Variants in COMMD7 observed in about 807,000 individuals in gnomAD.
COMMD7 encodes COMM domain-containing protein 7.
COMMD7 carries 28 observed loss-of-function variants against 34.8 expected under a neutral mutation model. The ratio of observed to expected loss-of-function variants is 0.80; its 90% CI spans 0.60 to 1.10. The LOEUF (loss-of-function observed/expected upper bound fraction) is 1.10. COMMD7 is among the 50% of genes least tolerant of loss of function. The probability of loss-of-function intolerance (pLI) is 0.00; values close to 1 mark genes in which losing one functional copy is unlikely to be tolerated. For synonymous variants in COMMD7, 80 were observed against 86.4 expected (o/e 0.93, Z 0.41); for missense variants, 211 against 241.6 (o/e 0.87, Z 0.84).
intron 1 of COMMD7, among the ~76,000 whole-genome samples, chr20:32,729,612 C>T (rs1302100900): frequency 1.1e-5 from 1 of 92,624 alleles, no homozygotes; most frequent in Non-Finnish European, 2.6e-5. Context: ...AAGACCCCAC[C>T]TCTTAAAAAA....
intron 1 of COMMD7, among the ~76,000 whole-genome samples, chr20:32,729,391 C>T (rs1297679940): frequency 2.0e-5 from 3 of 151,678 alleles, no homozygotes; most frequent in Non-Finnish European, 2.9e-5. Flanking sequence ...TGGTCTCGAA[C>T]TCCTCACCTC....
chr20:32,718,107 A>C (rs1984917040), intron 3 of COMMD7, among the ~76,000 whole-genome samples: 2 of 150,898 alleles, frequency 1.3e-5, no homozygotes, highest in Non-Finnish European at 3.0e-5. Context: ...AAAAAAATCA[A>C]TAAAATAAAA....
At chr20:32,737,369 C>CG (rs1986190482) in intron 1 of COMMD7, among the ~76,000 whole-genome samples, 1 of 19,676 alleles carries the variant, frequency 5.1e-5, no homozygotes, top group Non-Finnish European at 1.8e-4. Context: ...GACTCCGTCT[C>CG]AAAAAAAAAA....
chr20:32,724,402 G>A (rs1267202564), intron 3 of COMMD7, among the ~76,000 whole-genome samples: 6 of 14,010 alleles, frequency 4.3e-4, no homozygotes, highest in African/African-American at 1.5e-3. Flanking sequence ...GGGAAGTGAG[G>A]AGCCCCTCTG....
At chr20:32,732,017 G>A (rs550372265) in intron 1 of COMMD7, among the ~76,000 whole-genome samples, 1 of 152,338 alleles carries the variant, frequency 6.6e-6, no homozygotes, top group African/African-American at 2.4e-5. Flanking sequence ...AAGCAGACAG[G>A]TTCCTGCATG....
chr20:32,710,151 G>C (rs567090849), intron 3 of COMMD7, among the ~76,000 whole-genome samples: 2 of 152,088 alleles, frequency 1.3e-5, no homozygotes, highest in South Asian at 4.2e-4. Flanking sequence ...TGGGATTACA[G>C]GCATGAGCTG....
At chr20:32,728,880 T>G (rs995295414) in intron 1 of COMMD7, among the ~76,000 whole-genome samples, 1 of 152,062 alleles carries the variant, frequency 6.6e-6, no homozygotes, top group African/African-American at 2.4e-5. Context: ...TTTTCTTGGG[T>G]TCCCCCCACC....
At chr20:32,742,991 T>G (rs928770573) in intron 1 of COMMD7, among the ~76,000 whole-genome samples, 3 of 152,030 alleles carry the variant, frequency 2.0e-5, no homozygotes, top group African/African-American at 7.2e-5. Context: ...GTCCCTCTTC[T>G]AGGACCCCAA....
Position 32,703,217 on chromosome 20 carries a change from C to G in COMMD7, c.*165G>C. On this transcript the variant is annotated 3_prime_UTR_variant, in exon 9 of 9. Coordinates refer to ENST00000278980, the MANE Select transcript of COMMD7 (RefSeq NM_053041.3). ...GTAATTGTGTTGGGCTCTTTCAGTA[C>G]TTAATCCTGCTGTTTTTCAGAAACC... The G allele has an allele frequency of 1.7e-6, 1 of 583,184 alleles. No homozygotes were observed. The highest frequency in any genetic ancestry group is 3.0e-6 in the Non-Finnish European group (1 of 332,816). 36.1% of individuals were successfully genotyped at this position (583,184 alleles called of 1,614,324 possible). A position where few individuals can be genotyped will look rare whatever the true frequency, so the allele number is the denominator to read the frequency against.
At chr20:32,719,022 C>T (rs1014349043) in intron 3 of COMMD7, among the ~76,000 whole-genome samples, 3 of 152,150 alleles carry the variant, frequency 2.0e-5, no homozygotes, top group African/African-American at 7.2e-5. Flanking sequence ...TGTACTTCTA[C>T]AATAAGAGCT....
intron 3 of COMMD7, among the ~76,000 whole-genome samples, chr20:32,715,019 A>G (rs1984693308): frequency 6.6e-6 from 1 of 150,556 alleles, no homozygotes; most frequent in Non-Finnish European, 1.5e-5. Context: ...CAAAAAAATA[A>G]AAATAAAAAT....
At chr20:32,714,142 A>G (rs1984633344) in intron 3 of COMMD7, among the ~76,000 whole-genome samples, 1 of 151,992 alleles carries the variant, frequency 6.6e-6, no homozygotes, top group Non-Finnish European at 1.5e-5. Context: ...CCCCCAAAAA[A>G]GAAGGGGGAA....
chr20:32,713,041 T>A (rs1187629293), intron 3 of COMMD7, among the ~76,000 whole-genome samples: 1 of 150,954 alleles, frequency 6.6e-6, no homozygotes, highest in Non-Finnish European at 1.5e-5. Flanking sequence ...CTCTTTCTTT[T>A]TTAATTTCTT....
chr20:32,727,365 G>A (rs190623129), intron 3 of COMMD7, among the ~76,000 whole-genome samples: 248 of 151,416 alleles, frequency 1.6e-3, no homozygotes, highest in African/African-American at 5.8e-3. Flanking sequence ...TGGCCAACAT[G>A]GTCTCTACTA....
intron 8 of COMMD7, 120 bp downstream of exon 8, chr20:32,703,903 T>G (rs747331532): frequency 4.5e-6 from 7 of 1,567,718 alleles, no homozygotes; most frequent in Non-Finnish European, 6.1e-6. Context: ...GTGGAACAGC[T>G]ACTCCACAGC....
intron 5 of COMMD7, among the ~76,000 whole-genome samples, chr20:32,705,612 A>C: frequency 6.6e-6 from 1 of 151,978 alleles, no homozygotes; most frequent in Non-Finnish European, 1.5e-5. Context: ...TGACCTCGTG[A>C]TCCGCCCGCC....
At chr20:32,733,553 G>A (rs1433865662) in intron 1 of COMMD7, among the ~76,000 whole-genome samples, 1 of 151,276 alleles carries the variant, frequency 6.6e-6, no homozygotes, top group Non-Finnish European at 1.5e-5. Context: ...ACCCCATCTC[G>A]ACTAAAGAAA....
At chr20:32,709,676 G>A (rs1359769674) in intron 3 of COMMD7, among the ~76,000 whole-genome samples, 2 of 152,110 alleles carry the variant, frequency 1.3e-5, no homozygotes, top group Non-Finnish European at 2.9e-5. Flanking sequence ...ACAACACCCT[G>A]CATGCTCTGG....
chr20:32,741,895 G>C (rs1208315379), intron 1 of COMMD7, among the ~76,000 whole-genome samples: 2 of 152,062 alleles, frequency 1.3e-5, no homozygotes, highest in Admixed American at 6.6e-5. Flanking sequence ...GCTTGCATAA[G>C]ATAAACTCAG....
Sources: allele counts gnomAD v4.1 joint callset (sites outside exome capture counted in the v4.1 genomes callset), GRCh38; gene constraint gnomAD v4.1.1; transcripts MANE v1.5; gene names NCBI Gene and HGNC (gene_info 2026-07-23, HGNC 2026-07-21).